CAMSAP2: variants seen among roughly 807,000 people sequenced by gnomAD.
The protein encoded by CAMSAP2 is calmodulin regulated spectrin associated protein family member 2, also known as calmodulin-regulated spectrin-associated protein 2.
In CAMSAP2, 26 loss-of-function variants were observed where a neutral mutation model predicts 146.1. The ratio of observed to expected loss-of-function variants is 0.18; its 90% confidence interval spans 0.13 to 0.25. The LOEUF (loss-of-function observed/expected upper bound fraction) is 0.25. CAMSAP2 is among the 10% of genes least tolerant of loss of function. CAMSAP2 has a pLI of 1.00. For missense variants in CAMSAP2, 1,381 were observed against 1,759.3 expected (o/e 0.78, Z 3.85); for synonymous variants, 499 against 596.6 (o/e 0.84, Z 2.38).
At chr1:200,837,642 G>T (rs757640532) in intron 6 of CAMSAP2, among the ~76,000 whole-genome samples, 4 of 152,050 alleles carry the variant, frequency 2.6e-5, no homozygotes, top group Non-Finnish European at 5.9e-5. Flanking sequence ...GAATAGCATT[G>T]AATCTATACA....
At chr1:200,795,858 G>T (rs750744661) in intron 2 of CAMSAP2, among the ~76,000 whole-genome samples, 17 of 152,302 alleles carry the variant, frequency 1.1e-4, no homozygotes, top group South Asian at 2.1e-4. Context: ...AATTTGGGCA[G>T]AATTAAATAG....
intron 2 of CAMSAP2, among the ~76,000 whole-genome samples, chr1:200,776,750 C>CA (rs1665291791): frequency 6.6e-6 from 1 of 151,716 alleles, no homozygotes; most frequent in Non-Finnish European, 1.5e-5. Flanking sequence ...ACAACAACAA[C>CA]AAAAAACCCA....
At chr1:200,751,449 G>A (rs1664504061) in intron 1 of CAMSAP2, among the ~76,000 whole-genome samples, 2 of 142,128 alleles carry the variant, frequency 1.4e-5, no homozygotes, top group African/African-American at 2.6e-5. Flanking sequence ...GACAGGAGAA[G>A]CACTTGAATC....
At chr1:200,763,005 T>C (rs968211813) in intron 2 of CAMSAP2, among the ~76,000 whole-genome samples, 1 of 152,058 alleles carries the variant, frequency 6.6e-6, no homozygotes, top group Non-Finnish European at 1.5e-5. Flanking sequence ...TTTCAAGCAA[T>C]TCTTGTGCCT....
intron 3 of CAMSAP2, among the ~76,000 whole-genome samples, chr1:200,810,709 C>T (rs543013111): frequency 6.6e-5 from 10 of 151,092 alleles, no homozygotes; most frequent in South Asian, 4.2e-4. Flanking sequence ...ACCAACATGG[C>T]GAAACCCTGT....
At chr1:200,811,603 C>T (rs1026621834) in intron 3 of CAMSAP2, among the ~76,000 whole-genome samples, 5 of 152,156 alleles carry the variant, frequency 3.3e-5, no homozygotes, top group African/African-American at 9.7e-5. Flanking sequence ...GTACCTCCAA[C>T]AGATGCTTTA....
intron 1 of CAMSAP2, among the ~76,000 whole-genome samples, chr1:200,751,766 G>A (rs1397077437): frequency 6.6e-6 from 1 of 152,162 alleles, no homozygotes; most frequent in African/African-American, 2.4e-5. Flanking sequence ...AAGAGGTATG[G>A]GACCTGGAAT....
chr1:200,759,788 G>T (rs760872643), intron 1 of CAMSAP2, among the ~76,000 whole-genome samples: 28 of 152,282 alleles, frequency 1.8e-4, no homozygotes, highest in Non-Finnish European at 3.4e-4. Context: ...CTCTAACTCA[G>T]AAGCCCTACC....
intron 3 of CAMSAP2, among the ~76,000 whole-genome samples, chr1:200,813,194 G>A (rs1441056095): frequency 2.0e-5 from 3 of 152,172 alleles, no homozygotes; most frequent in Non-Finnish European, 4.4e-5. Context: ...TTCTTGTTGT[G>A]TCCTCACGTG....
chr1:200,824,251 C>A (rs912794990), intron 4 of CAMSAP2, among the ~76,000 whole-genome samples: 8 of 138,782 alleles, frequency 5.8e-5, no homozygotes, highest in Non-Finnish European at 1.3e-4. Context: ...TTTTTTTTTG[C>A]CCCTCCTTAT....
rs765809207 is a variant in CAMSAP2, at chr1:200,761,113, A to G, written c.399+15A>G. The stretch of plus-strand genomic sequence containing the variant: ...CCATACAGATGGTGAGTCTTTATAT[A>G]CCCAAGATTATTTTAAGTTTGAAGT... On this transcript the variant is annotated intron_variant, in intron 2 of 16. Transcript: ENST00000358823. 1 of 1,609,992 alleles carries G rather than the reference A, an allele frequency of 6.2e-7. No homozygotes were observed. The highest frequency in any genetic ancestry group is 8.5e-7 in the Non-Finnish European group (1 of 1,176,788).
At chr1:200,750,775 C>A (rs1322176398) in intron 1 of CAMSAP2, among the ~76,000 whole-genome samples, 1 of 151,918 alleles carries the variant, frequency 6.6e-6, no homozygotes, top group Non-Finnish European at 1.5e-5. Context: ...CAGGTGACTG[C>A]CACCACACCC....
chr1:200,778,932 T>A (rs1665357984), intron 2 of CAMSAP2, among the ~76,000 whole-genome samples: 1 of 152,176 alleles, frequency 6.6e-6, no homozygotes, highest in African/African-American at 2.4e-5. Context: ...GCGTGGGGCC[T>A]GGCACAAGAC....
intron 2 of CAMSAP2, among the ~76,000 whole-genome samples, chr1:200,803,090 A>G (rs140855956): frequency 1.6e-3 from 239 of 152,252 alleles, no homozygotes; most frequent in African/African-American, 5.7e-3. Context: ...GGTGGTTGCA[A>G]TGTACACTGC....
rs971163370 is a variant in CAMSAP2 at position 200,860,633 on chromosome 1, ACT to A, written c.*2575_*2576del. On this transcript the variant is annotated 3_prime_UTR_variant, in exon 17 of 17. Transcript: ENST00000358823. ...TTTTTAAGATGCTGTGCTGTAAAAT[ACT>A]GTCATACTTGCTATTTCCTGGTACA... 18 of 152,426 alleles carry A rather than the reference ACT, an allele frequency of 1.2e-4. No homozygotes were observed. The highest frequency in any genetic ancestry group is 3.6e-4 in the African/African-American group (15 of 41,576). 9.4% of individuals were successfully genotyped at this position (152,426 alleles called of 1,614,324 possible). A position where few individuals can be genotyped will look rare whatever the true frequency, so the allele number is the denominator to read the frequency against.
intron 4 of CAMSAP2, 87 bp downstream of exon 4, chr1:200,815,731 TTTA>T (rs1666464681): frequency 7.9e-6 from 5 of 632,890 alleles, no homozygotes; most frequent in Admixed American, 3.8e-5. Flanking sequence ...GTTAATTGTG[TTTA>T]TTAAATTATT....
rs1231508989 is a variant in CAMSAP2, at chr1:200,832,354, T to C, written c.787+13T>C. The stretch of plus-strand genomic sequence containing the variant: ...GTCAGATTAGAGGGTAAGTGTTCCA[T>C]TGTAATACTTCTGAACTGTAGACAG... On this transcript the variant is annotated intron_variant, in intron 5 of 16. Transcript: ENST00000358823. The surrounding 1 kb of genome is among the most constrained non-coding windows in gnomAD (Gnocchi z 4.2). 1.9e-6 allele frequency: 3 copies of C among 1,606,582 alleles called. No individual in the cohort carries two copies. Among genetic ancestry groups the C allele is most frequent in the East Asian group, 4.5e-5 (2 of 44,716 alleles).
At chr1:200,816,848 A>G (rs1230275063) in intron 4 of CAMSAP2, among the ~76,000 whole-genome samples, 1 of 63,004 alleles carries the variant, frequency 1.6e-5, no homozygotes, top group South Asian at 6.6e-4. Context: ...ATGTGTGTAC[A>G]CACACACGCG....
chr1:200,818,990 C>T (rs982387284), intron 4 of CAMSAP2, among the ~76,000 whole-genome samples: 3 of 152,078 alleles, frequency 2.0e-5, no homozygotes, highest in Non-Finnish European at 4.4e-5. Flanking sequence ...TTGTCCTTGC[C>T]CAACTACTCT....
Sources: allele counts gnomAD v4.1 joint callset (sites outside exome capture counted in the v4.1 genomes callset), GRCh38; gene constraint gnomAD v4.1.1; non-coding constraint Gnocchi (gnomAD v3.1); transcripts MANE v1.5; gene names NCBI Gene and HGNC (gene_info 2026-07-23, HGNC 2026-07-21).